Variants in ZSWIM6 observed in about 807,000 individuals in gnomAD.
The protein encoded by ZSWIM6 is zinc finger SWIM domain-containing protein 6.
Under a neutral mutation model 113.2 loss-of-function variants are expected in ZSWIM6, and 9 were observed. The observed-to-expected ratio is 0.08, with a 90% CI of 0.05 to 0.14. ZSWIM6 has a LOEUF of 0.14. Among genes scored for constraint, ZSWIM6 ranks in the 10% least tolerant of loss-of-function variants. The pLI, the probability that ZSWIM6 is intolerant of heterozygous loss-of-function variation, is 1.00. For synonymous variants in ZSWIM6, 611 were observed against 606.5 expected (o/e 1.01, Z -0.11); for missense variants, 1,162 against 1,552.2 (o/e 0.75, Z 4.22).
chr5:61,390,650 C>T, intron 1 of ZSWIM6: 1 of 808,662 alleles, frequency 1.2e-6, no homozygotes. Flanking sequence ...CCACCAGCTG[C>T]AAAAACTGTT....
chr5:61,509,302 CT>C (rs35801314), intron 4 of ZSWIM6, among the ~76,000 whole-genome samples: 57,056 of 151,924 alleles, frequency 0.38, 10,857 homozygotes, highest in South Asian at 0.43. Flanking sequence ...AAAATAAGTT[CT>C]GATAACTTTT....
intron 4 of ZSWIM6, among the ~76,000 whole-genome samples, chr5:61,511,717 T>G (rs1683633398): frequency 6.6e-6 from 1 of 152,156 alleles, no homozygotes; most frequent in African/African-American, 2.4e-5. Flanking sequence ...CCTCCAGAAC[T>G]GTAAGCAGTA....
intron 1 of ZSWIM6, among the ~76,000 whole-genome samples, chr5:61,338,236 T>C (rs1744447776): frequency 1.3e-5 from 2 of 151,970 alleles, no homozygotes; most frequent in South Asian, 4.1e-4. Flanking sequence ...CAAATTTCAG[T>C]CAGATAATTT....
chr5:61,357,190 C>T (rs539064444), intron 1 of ZSWIM6, among the ~76,000 whole-genome samples: 15 of 152,130 alleles, frequency 9.9e-5, no homozygotes, highest in Middle Eastern at 3.4e-3. Flanking sequence ...GGTCAGGGTC[C>T]ACCCAGGAAA....
chr5:61,387,236 TA>T (rs1487456590), intron 1 of ZSWIM6, among the ~76,000 whole-genome samples: 1 of 152,234 alleles, frequency 6.6e-6, no homozygotes, highest in African/African-American at 2.4e-5. Context: ...ACAGCATATT[TA>T]TATAAGTTGC....
chr5:61,508,816 A>AT (rs1452057149), intron 4 of ZSWIM6, among the ~76,000 whole-genome samples: 4 of 152,150 alleles, frequency 2.6e-5, no homozygotes, highest in African/African-American at 9.7e-5. Context: ...AAGTCTGGCT[A>AT]TCCTGAGTCG....
chr5:61,539,073 C>T, intron 11 of ZSWIM6, 102 bp downstream of exon 11: 2 of 1,293,276 alleles, frequency 1.5e-6, no homozygotes, highest in South Asian at 1.9e-5. Context: ...GTGTTAATGT[C>T]AGATAGGTTG....
intron 2 of ZSWIM6, among the ~76,000 whole-genome samples, chr5:61,485,443 A>C (rs541258929): frequency 6.6e-6 from 1 of 152,028 alleles, no homozygotes; most frequent in African/African-American, 2.4e-5. Flanking sequence ...GGGTATGTCA[A>C]ATTCACCATA....
intron 1 of ZSWIM6, among the ~76,000 whole-genome samples, chr5:61,408,204 T>C (rs571790523): frequency 6.6e-6 from 1 of 152,340 alleles, no homozygotes; most frequent in South Asian, 2.1e-4. Flanking sequence ...AAATAGAATA[T>C]ATGTGTATTT....
At chr5:61,492,119 T>G (rs1223323870) in intron 3 of ZSWIM6, among the ~76,000 whole-genome samples, 2 of 152,026 alleles carry the variant, frequency 1.3e-5, no homozygotes, top group African/African-American at 4.8e-5. Flanking sequence ...AAATAGAGAG[T>G]TCTGTTTTAT....
chr5:61,430,286 C>CA (rs937586996), intron 1 of ZSWIM6, among the ~76,000 whole-genome samples: 1 of 152,046 alleles, frequency 6.6e-6, no homozygotes, highest in African/African-American at 2.4e-5. Context: ...GTAATCATAT[C>CA]AAAATGATTT....
chr5:61,370,288 G>T (rs1745239170), intron 1 of ZSWIM6, among the ~76,000 whole-genome samples: 1 of 152,166 alleles, frequency 6.6e-6, no homozygotes, highest in Non-Finnish European at 1.5e-5. Flanking sequence ...TAGAAGCAAT[G>T]AAACCACATT....
chr5:61,499,393 G>A (rs780736723), intron 4 of ZSWIM6, among the ~76,000 whole-genome samples: 2 of 152,126 alleles, frequency 1.3e-5, no homozygotes, highest in Non-Finnish European at 2.9e-5. Context: ...CACTTGCTAT[G>A]TCTAGAGGAA....
intron 1 of ZSWIM6, among the ~76,000 whole-genome samples, chr5:61,384,245 C>T (rs111735843): frequency 9.7e-6 from 1 of 103,552 alleles, no homozygotes; most frequent in African/African-American, 4.3e-5. Context: ...GAGACTCCGT[C>T]TCAAAAAAAA....
At chr5:61,541,003 G>A (rs1749720475) in intron 12 of ZSWIM6, among the ~76,000 whole-genome samples, 1 of 148,992 alleles carries the variant, frequency 6.7e-6, no homozygotes, top group Non-Finnish European at 1.5e-5. Context: ...GAGTGCAGGG[G>A]TACAATCTCA....
intron 1 of ZSWIM6, among the ~76,000 whole-genome samples, chr5:61,451,546 T>C (rs530947330): frequency 4.7e-4 from 71 of 152,166 alleles, no homozygotes; most frequent in African/African-American, 1.6e-3. Context: ...CTCAAATGGG[T>C]TTCTCTTTTT....
rs1414004054 is a variant in ZSWIM6, at chr5:61,539,618, A to G, written c.2562A>G (p.Thr854=). ...CAGGCGATGTTCGGAGGCTGGAAAC[A>G]GTATTAGAATCCATCCAGAAAAACA... ...AAKGDVRRLE[T]VLESIQKNIH... The change falls in exon 12 of 14, where the codon ACA becomes ACG. Residue 854 remains threonine, a synonymous_variant. Transcript: ENST00000252744. 8 of 1,551,580 alleles carry G rather than the reference A, an allele frequency of 5.2e-6. No homozygotes were observed. Among genetic ancestry groups the G allele is most frequent in the Non-Finnish European group, 6.1e-6 (7 of 1,146,926 alleles).
At chr5:61,525,628 C>T (rs1749253564) in intron 5 of ZSWIM6, among the ~76,000 whole-genome samples, 172 bp from the exon 6 acceptor site, 1 of 152,178 alleles carries the variant, frequency 6.6e-6, no homozygotes, top group Non-Finnish European at 1.5e-5. Flanking sequence ...TTGGGCTGAC[C>T]TGCCTCTTAG....
At chr5:61,482,505 A>C (rs925102548) in intron 2 of ZSWIM6, among the ~76,000 whole-genome samples, 1 of 152,216 alleles carries the variant, frequency 6.6e-6, no homozygotes, top group African/African-American at 2.4e-5. Flanking sequence ...TAAATAGTTA[A>C]AACTTAGCAT....
Sources: allele counts gnomAD v4.1 joint callset (sites outside exome capture counted in the v4.1 genomes callset), GRCh38; gene constraint gnomAD v4.1.1; transcripts MANE v1.5; gene names NCBI Gene and HGNC (gene_info 2026-07-23, HGNC 2026-07-21).